The following NXPH2 variants were observed in gnomAD, a reference collection of about 807,000 sequenced individuals.
The protein encoded by NXPH2 is neurexophilin 2.
In NXPH2, 5 loss-of-function variants were observed where a neutral mutation model predicts 19.8. The observed-to-expected ratio is 0.25, with a 90% CI of 0.13 to 0.53. The LOEUF (loss-of-function observed/expected upper bound fraction) is 0.53, where lower values mean the gene tolerates loss of function less well. NXPH2 is among the 20% of genes least tolerant of loss of function. The pLI is 0.96. For missense variants in NXPH2, 289 were observed against 322.8 expected (o/e 0.90, Z 0.80); for synonymous variants, 154 against 127.4 (o/e 1.21, Z -1.41).
Position 138,671,233 on chromosome 2 carries a change from G to T in NXPH2, c.484C>A (p.Pro162Thr), listed in dbSNP as rs756531047. ...GLGNVSVSLV[P>T]PSKVVEFEVS... is the part of the protein sequence containing the mutation. Reference sequence around the variant, plus strand: ...TCAAATTCCACCACCTTGGAGGGTGGTACCAAGCTCACTGAAACATTGCCC... The same window carrying T: ...TCAAATTCCACCACCTTGGAGGGTGTTACCAAGCTCACTGAAACATTGCCC... The change falls in exon 2 of 2, where the codon CCA (proline) becomes ACA (threonine). Residue 162 changes from proline to threonine, a missense_variant. Physicochemically the swap from Pro to Thr is conservative, Grantham distance 38. Transcript: ENST00000272641. The T allele has an allele frequency of 1.2e-6, 2 of 1,613,802 alleles. No individual in the cohort carries two copies. The highest frequency in any genetic ancestry group is 1.3e-5 in the African/African-American group (1 of 75,010).
intron 1 of NXPH2, among the ~76,000 whole-genome samples, chr2:138,768,489 A>T (rs1214177278): frequency 1.3e-5 from 2 of 152,216 alleles, no homozygotes; most frequent in Non-Finnish European, 2.9e-5. Context: ...CAAACCAACC[A>T]GGCTTTCTCA....
chr2:138,752,234 T>C (rs773738480), intron 1 of NXPH2, among the ~76,000 whole-genome samples: 20 of 152,072 alleles, frequency 1.3e-4, no homozygotes, highest in Non-Finnish European at 2.4e-4. Flanking sequence ...AGACTCCTTA[T>C]CCCTAGATTG....
At chr2:138,683,833 A>T (rs188569220) in intron 1 of NXPH2, among the ~76,000 whole-genome samples, 189 of 152,280 alleles carry the variant, frequency 1.2e-3, no homozygotes, top group African/African-American at 4.4e-3. Context: ...TTTAAAATAA[A>T]TTTTCCAACT....
intron 1 of NXPH2, among the ~76,000 whole-genome samples, chr2:138,727,141 C>G (rs1573968272): frequency 6.6e-6 from 1 of 152,084 alleles, no homozygotes; most frequent in Non-Finnish European, 1.5e-5. Flanking sequence ...GAATAATATT[C>G]CATTGTCTGG....
intron 1 of NXPH2, among the ~76,000 whole-genome samples, chr2:138,676,069 G>T: frequency 6.6e-6 from 1 of 151,978 alleles, no homozygotes; most frequent in East Asian, 1.9e-4. Context: ...AACAACATTA[G>T]CCAAGTTGGT....
At position 138,671,174 on chromosome 2, in the gene NXPH2, T is replaced by C. The variant is rs375507637; in HGVS notation, c.543A>G (p.Glu181=). The C allele has an allele frequency of 7.4e-6, 12 of 1,613,862 alleles. No homozygotes were observed. The highest frequency in any genetic ancestry group is 1.0e-5 in the Non-Finnish European group (12 of 1,179,876). Reference sequence around the variant, plus strand: ...CAATGCGACAATTGAAAGATTTGGATTCCTTGGTCTCCAAGGTAGACTGGG... The same window carrying C: ...CAATGCGACAATTGAAAGATTTGGACTCCTTGGTCTCCAAGGTAGACTGGG... ...VSPQSTLETK[E]SKSFNCRIEY... Residue 181 remains glutamate (E), a synonymous_variant, in exon 2 of 2, where the codon GAA becomes GAG. Coordinates refer to ENST00000272641, the MANE Select transcript of NXPH2 (RefSeq NM_007226.3).
chr2:138,727,332 G>GT (rs1681375041), intron 1 of NXPH2, among the ~76,000 whole-genome samples: 1 of 152,142 alleles, frequency 6.6e-6, no homozygotes, highest in South Asian at 2.1e-4. Flanking sequence ...TGGCTAAACC[G>GT]TTTTGCATTC....
At chr2:138,763,423 T>C (rs1384217419) in intron 1 of NXPH2, among the ~76,000 whole-genome samples, 1 of 152,194 alleles carries the variant, frequency 6.6e-6, no homozygotes, top group Non-Finnish European at 1.5e-5. Flanking sequence ...AAATACTGCA[T>C]AGCATATTGT....
Position 138,687,222 on chromosome 2 carries a change from C to T in NXPH2, c.52-15557G>A, listed in dbSNP as rs568565186. Among the ~76,000 whole-genome samples the T allele has an allele frequency of 6.6e-5, 10 of 152,246 alleles. No individual in the cohort carries two copies. In the East Asian group the frequency reaches 1.9e-3, roughly 29 times the overall value. The stretch of plus-strand genomic sequence containing the variant: ...CATCCTCTCCAGCACCTGTTGTTTC[C>T]TGACTTTTTAATGTTTGCCATTCTA... On this transcript the variant is annotated intron_variant, in intron 1 of 1. Transcript: ENST00000272641.
intron 1 of NXPH2, 84 bp downstream of exon 1, chr2:138,780,107 T>G (rs1373960456): frequency 2.2e-6 from 3 of 1,355,566 alleles, no homozygotes; most frequent in Non-Finnish European, 2.9e-6. Context: ...AGGCCCAGGC[T>G]GGGCTCCAAG....
chr2:138,688,712 CT>C (rs1680700538), intron 1 of NXPH2, among the ~76,000 whole-genome samples: 1 of 152,146 alleles, frequency 6.6e-6, no homozygotes, highest in African/African-American at 2.4e-5. Flanking sequence ...AAAAATGAAA[CT>C]TGAAATCAGA....
At chr2:138,754,632 T>C (rs1681879022) in intron 1 of NXPH2, among the ~76,000 whole-genome samples, 1 of 152,160 alleles carries the variant, frequency 6.6e-6, no homozygotes, top group Non-Finnish European at 1.5e-5. Flanking sequence ...TAATTATAAA[T>C]AAAGCTGCTA....
chr2:138,676,969 T>G (rs1680493659), intron 1 of NXPH2, among the ~76,000 whole-genome samples: 2 of 152,222 alleles, frequency 1.3e-5, no homozygotes, highest in Non-Finnish European at 2.9e-5. Context: ...TTTGTAGATC[T>G]TTGATTCCAA....
chr2:138,767,121 T>C (rs754218900), intron 1 of NXPH2, among the ~76,000 whole-genome samples: 6 of 152,246 alleles, frequency 3.9e-5, no homozygotes, highest in Non-Finnish European at 8.8e-5. Context: ...TTATACTCTG[T>C]TCTTAAGCAA....
In NXPH2 at chr2:138,764,522, A is replaced by G. The variant is rs753506574; in HGVS notation, c.51+15669T>C. On this transcript the variant is annotated intron_variant, in intron 1 of 1. Transcript: ENST00000272641. Reference sequence around the variant, plus strand: ...ACATCCACAGAATTAAAATGACTTCAGCAAATTAGTGTTATAGGCACATTA... The same window carrying G: ...ACATCCACAGAATTAAAATGACTTCGGCAAATTAGTGTTATAGGCACATTA... Among the ~76,000 whole-genome samples the G allele has an allele frequency of 5.3e-5, 8 of 152,362 alleles. No homozygotes were observed. The South Asian group carries it at 1.0e-3, about 20-fold the overall frequency.
At chr2:138,671,805 T>C in intron 1 of NXPH2, 140 bp from the exon 2 acceptor site, 1 of 817,896 alleles carries the variant, frequency 1.2e-6, no homozygotes, top group Non-Finnish European at 1.8e-6. Flanking sequence ...ACAGCCGGGC[T>C]CAACAGTGTA....
At chr2:138,770,406 A>T (rs1402071693) in intron 1 of NXPH2, among the ~76,000 whole-genome samples, 28 of 152,190 alleles carry the variant, frequency 1.8e-4, no homozygotes, top group Admixed American at 1.8e-3. Context: ...AGTAAAGTTT[A>T]TGTTAAAGTT....
chr2:138,773,446 T>C (rs1682209160), intron 1 of NXPH2, among the ~76,000 whole-genome samples: 1 of 152,212 alleles, frequency 6.6e-6, no homozygotes, highest in South Asian at 2.1e-4. Context: ...GTTTATTGTA[T>C]GCATTATCCA....
rs142746337 is a variant in NXPH2, at chr2:138,742,941, A to T, written c.51+37250T>A. The stretch of plus-strand genomic sequence containing the variant: ...ATTGGTCTCGGATATGGCAACCACA[A>T]ACAGCAACAACATTTTTATCCTGCA... On this transcript the variant is annotated intron_variant, in intron 1 of 1. Coordinates refer to ENST00000272641, the MANE Select transcript of NXPH2 (RefSeq NM_007226.3). Among the ~76,000 whole-genome samples, 19 of 152,330 alleles carry T rather than the reference A, an allele frequency of 1.2e-4. No homozygotes were observed. In the East Asian group the frequency reaches 3.7e-3, roughly 29 times the overall value.
Sources: allele counts gnomAD v4.1 joint callset (sites outside exome capture counted in the v4.1 genomes callset), GRCh38; gene constraint gnomAD v4.1.1; transcripts MANE v1.5; gene names NCBI Gene and HGNC (gene_info 2026-07-23, HGNC 2026-07-21).